FBXL18: variants seen among roughly 807,000 people sequenced by gnomAD.
FBXL18 encodes F-box/LRR-repeat protein 18.
A neutral mutation model predicts 46.0 loss-of-function variants in FBXL18; 36 were observed. That is an observed-to-expected ratio of 0.78 (90% confidence interval 0.60 to 1.03). FBXL18 has a LOEUF of 1.03. Among genes scored for constraint, FBXL18 ranks in the 50% least tolerant of loss-of-function variants. The pLI is 0.00. For missense variants in FBXL18, 977 were observed against 1,004.1 expected, an observed-to-expected ratio of 0.97 and a Z score of 0.36; for synonymous variants, 557 against 465.3, an observed-to-expected ratio of 1.20 and a Z score of -2.54.
chr7:5,465,869 G>C (rs1437868327), intron 4 of FBXL18, among the ~76,000 whole-genome samples: 1 of 151,120 alleles, frequency 6.6e-6, no homozygotes, highest in African/African-American at 2.4e-5. Flanking sequence ...CCAGTCTGGA[G>C]TGCAGGGGCA....
chr7:5,487,157 C>T (rs568914621), intron 4 of FBXL18, among the ~76,000 whole-genome samples: 11 of 152,296 alleles, frequency 7.2e-5, no homozygotes, highest in African/African-American at 2.6e-4. Context: ...CTGGAAAGCC[C>T]AGGGAAGGCC....
At chr7:5,511,703 G>A (rs1784537920) in intron 1 of FBXL18, among the ~76,000 whole-genome samples, 1 of 151,302 alleles carries the variant, frequency 6.6e-6, no homozygotes, top group South Asian at 2.1e-4. Context: ...GAGAGGTGGA[G>A]CTTGCAGTGA....
rs1476888876 is a variant in FBXL18 at position 5,499,549 on chromosome 7, CA to C, written c.1781+938del. Among the ~76,000 whole-genome samples the C allele has an allele frequency of 4.6e-5, 7 of 151,778 alleles. 1 individual carries two copies. The highest frequency in any genetic ancestry group is 8.8e-5 in the Non-Finnish European group (6 of 67,964). On this transcript the variant is annotated intron_variant, in intron 3 of 4. Transcript: ENST00000382368. ...TTCAAGACCAGCCTGGCCAATACTG[CA>C]AAACCCCGTCTCTACTAAAAATACA... is the stretch of plus-strand genomic sequence containing the variant.
At chr7:5,457,935 G>A (rs1011504929) in intron 4 of FBXL18, among the ~76,000 whole-genome samples, 5 of 152,130 alleles carry the variant, frequency 3.3e-5, no homozygotes, top group Non-Finnish European at 7.4e-5. Context: ...CAGCGAGAGC[G>A]CTGCCAGCTT....
chr7:5,468,310 G>A (rs1429174996), intron 4 of FBXL18, among the ~76,000 whole-genome samples: 7 of 151,928 alleles, frequency 4.6e-5, no homozygotes, highest in Admixed American at 2.0e-4. Flanking sequence ...GTAGAAACGG[G>A]ATTTCACTGT....
intron 4 of FBXL18, among the ~76,000 whole-genome samples, chr7:5,464,469 G>C (rs1446271300): frequency 1.3e-5 from 2 of 151,760 alleles, no homozygotes; most frequent in Admixed American, 1.3e-4. Context: ...GACAGAGCAA[G>C]ACTCCATCTC....
chr7:5,498,136 A>G (rs1424854793), intron 3 of FBXL18, among the ~76,000 whole-genome samples: 4 of 139,696 alleles, frequency 2.9e-5, no homozygotes, highest in Non-Finnish European at 6.0e-5. Flanking sequence ...GCTGGAGTGC[A>G]GCGGCCAGTG....
At chr7:5,510,268 A>G (rs1410254683) in intron 1 of FBXL18, among the ~76,000 whole-genome samples, 1 of 145,232 alleles carries the variant, frequency 6.9e-6, no homozygotes, top group Non-Finnish European at 1.5e-5. Flanking sequence ...GCACCACTGC[A>G]CTCCAGCCTG....
chr7:5,501,246 G>T lies in FBXL18; in HGVS notation c.1023C>A (p.Asp341Glu). ...GGTTCAAGCTGGCCAGGCTCCGCAG[G>T]TCCTTCCCGCCGTTGATGACCTGCT... is the stretch of plus-strand genomic sequence containing the variant. ...LIQQVINGGK[D>E]LRSLASLNLS... Residue 341 changes from aspartate (D) to glutamate (E), a missense_variant, in exon 3 of 5, where the codon GAC becomes GAA. Physicochemically the swap from Asp to Glu is conservative, Grantham distance 45. Coordinates refer to ENST00000382368, the MANE Select transcript of FBXL18 (RefSeq NM_024963.6). 6.2e-7 allele frequency: 1 copy of T among 1,613,402 alleles called. No individual in the cohort carries two copies. The highest frequency in any genetic ancestry group is 8.5e-7 in the Non-Finnish European group (1 of 1,179,852).
chr7:5,508,746 G>C (rs1373243792), intron 1 of FBXL18, among the ~76,000 whole-genome samples: 2 of 152,112 alleles, frequency 1.3e-5, no homozygotes, highest in Non-Finnish European at 2.9e-5. Context: ...ATCAGAATCA[G>C]AGACAATCTT....
intron 4 of FBXL18, among the ~76,000 whole-genome samples, chr7:5,464,661 C>G (rs1199244157): frequency 6.1e-5 from 1 of 16,440 alleles, no homozygotes; most frequent in African/African-American, 2.1e-4. Context: ...AAACTCTTAT[C>G]TCAAAAAAAA....
At chr7:5,509,779 TG>T (rs1784483128) in intron 1 of FBXL18, among the ~76,000 whole-genome samples, 1 of 149,184 alleles carries the variant, frequency 6.7e-6, no homozygotes, top group Non-Finnish European at 1.5e-5. Context: ...CCCAACCTGG[TG>T]GGGCAGGTAT....
intron 1 of FBXL18, among the ~76,000 whole-genome samples, chr7:5,509,596 G>C (rs541762169): frequency 6.6e-6 from 1 of 151,532 alleles, no homozygotes; most frequent in African/African-American, 2.4e-5. Context: ...CAGCAACTCG[G>C]GGGGCTGAGG....
Position 5,501,423 on chromosome 7 carries a change from G to C in FBXL18, c.846C>G (p.Leu282=). ...CGACATTGCGCGCCATGGAGTCCAG[G>C]AGGTTCTTGGTGGCGCCGCTCTCCG... ...SFAESGATKN[L]LDSMARNVVL... is the part of the protein sequence containing the mutation. Residue 282 remains leucine, a synonymous_variant, in exon 3 of 5, where the codon CTC becomes CTG. Transcript: ENST00000382368. The C allele has an allele frequency of 6.2e-7, 1 of 1,613,644 alleles. No individual in the cohort carries two copies. The highest frequency in any genetic ancestry group is 8.5e-7 in the Non-Finnish European group (1 of 1,180,030).
chr7:5,464,347 C>T (rs867565118), intron 4 of FBXL18, among the ~76,000 whole-genome samples: 163 of 152,036 alleles, frequency 1.1e-3, no homozygotes, highest in African/African-American at 3.5e-3. Flanking sequence ...GGCATGGTGG[C>T]GCACATCTGT....
At chr7:5,469,274 T>C (rs1322689710) in intron 4 of FBXL18, among the ~76,000 whole-genome samples, 6 of 152,092 alleles carry the variant, frequency 3.9e-5, no homozygotes, top group African/African-American at 1.4e-4. Flanking sequence ...CAGCCAGGCA[T>C]GGTGGCGTGC....
chr7:5,463,644 A>G (rs1429421256), intron 4 of FBXL18, among the ~76,000 whole-genome samples: 1 of 148,314 alleles, frequency 6.7e-6, no homozygotes, highest in African/African-American at 2.5e-5. Context: ...AAGTTTTGGA[A>G]TGGATGGTGG....
intron 1 of FBXL18, among the ~76,000 whole-genome samples, chr7:5,510,327 GA>G (rs1208156609): frequency 7.2e-6 from 1 of 138,478 alleles, no homozygotes; most frequent in Non-Finnish European, 1.6e-5. Flanking sequence ...AAAAAGAAAA[GA>G]AAAAAAAACC....
At chr7:5,511,011 T>C (rs1784517910) in intron 1 of FBXL18, among the ~76,000 whole-genome samples, 1 of 152,238 alleles carries the variant, frequency 6.6e-6, no homozygotes. Context: ...ATATGTAACA[T>C]TTCACAGTTT....
Sources: allele counts gnomAD v4.1 joint callset (sites outside exome capture counted in the v4.1 genomes callset), GRCh38; gene constraint gnomAD v4.1.1; transcripts MANE v1.5; gene names NCBI Gene and HGNC (gene_info 2026-07-23, HGNC 2026-07-21).